Variants in DLG2 observed in about 807,000 individuals in gnomAD.
DLG2 encodes the protein disks large homolog 2.
DLG2 carries 45 observed loss-of-function variants against 132.5 expected under a neutral mutation model. The ratio of observed to expected loss-of-function variants is 0.34; its 90% CI spans 0.27 to 0.44. The LOEUF (loss-of-function observed/expected upper bound fraction) is 0.44, where lower values mean the gene tolerates loss of function less well. DLG2 is among the 20% of genes least tolerant of loss of function. DLG2 has a pLI of 1.00. For synonymous variants in DLG2, 424 were observed against 419.6 expected (o/e 1.01, Z -0.13); for missense variants, 1,045 against 1,196.9 (o/e 0.87, Z 1.87).
rs1158945869 is a variant in DLG2 at position 84,995,719 on chromosome 11, AT to A, written c.357+115941del. Among the ~76,000 whole-genome samples, 625 of 151,914 alleles carry A rather than the reference AT, an allele frequency of 4.1e-3. 6 individuals are homozygous for A. The highest frequency in any genetic ancestry group is 0.013 in the African/African-American group (520 of 41,470). ...AGCCCAACTTAAAGTAACTTAAGCA[AT>A]TTTTTTTTAAAAAAAAAGAGGAATG... On this transcript the variant is annotated intron_variant, in intron 6 of 27. Coordinates refer to ENST00000376104, the MANE Select transcript of DLG2 (RefSeq NM_001142699.3).
intron 4 of DLG2, among the ~76,000 whole-genome samples, chr11:85,266,820 A>C (rs1442334674): frequency 6.6e-6 from 1 of 152,216 alleles, no homozygotes; most frequent in East Asian, 1.9e-4. Context: ...TGATGAAGAA[A>C]CATTTGCTTC....
intron 6 of DLG2, among the ~76,000 whole-genome samples, chr11:85,062,943 G>A (rs2064330497): frequency 1.3e-5 from 2 of 151,646 alleles, no homozygotes; most frequent in African/African-American, 4.8e-5. Flanking sequence ...AGCAGAGGTG[G>A]GGATGACTGG....
chr11:84,387,968 A>G (rs940093813), intron 7 of DLG2, among the ~76,000 whole-genome samples: 7 of 152,160 alleles, frequency 4.6e-5, no homozygotes, highest in African/African-American at 7.2e-5. Flanking sequence ...AGGGAGGGAA[A>G]ACTTTAGTGT....
At chr11:84,771,548 C>T (rs1221558331) in intron 6 of DLG2, among the ~76,000 whole-genome samples, 1 of 152,050 alleles carries the variant, frequency 6.6e-6, no homozygotes, top group African/African-American at 2.4e-5. Flanking sequence ...ATATTTTTTC[C>T]CATTCTGTAG....
intron 3 of DLG2, among the ~76,000 whole-genome samples, chr11:85,326,490 T>G (rs1022334663): frequency 9.2e-6 from 1 of 108,794 alleles, no homozygotes; most frequent in African/African-American, 3.6e-5. Context: ...AGAAAAGAAT[T>G]TTCCACCCAG....
intron 6 of DLG2, among the ~76,000 whole-genome samples, chr11:84,655,799 T>C (rs916363141): frequency 6.6e-6 from 1 of 151,064 alleles, no homozygotes; most frequent in African/African-American, 2.4e-5. Flanking sequence ...TGCTTGTAAA[T>C]AGCAGGAAAC....
chr11:85,264,933 C>T (rs1595805523), intron 4 of DLG2, among the ~76,000 whole-genome samples: 1 of 152,292 alleles, frequency 6.6e-6, no homozygotes, highest in East Asian at 1.9e-4. Flanking sequence ...TAATCTGATC[C>T]TGTCTATGAT....
chr11:83,595,321 G>C (rs1183829484), intron 19 of DLG2, among the ~76,000 whole-genome samples: 1 of 152,150 alleles, frequency 6.6e-6, no homozygotes, highest in Admixed American at 6.5e-5. Context: ...TCAAAATCCA[G>C]CTGTGTAAGG....
intron 4 of DLG2, among the ~76,000 whole-genome samples, chr11:85,264,542 T>C (rs2077104750): frequency 6.6e-6 from 1 of 152,142 alleles, no homozygotes; most frequent in Non-Finnish European, 1.5e-5. Flanking sequence ...TTGAAAATGG[T>C]TAATACTCAG....
intron 6 of DLG2, among the ~76,000 whole-genome samples, chr11:85,100,862 T>C (rs928911002): frequency 2.0e-5 from 3 of 152,164 alleles, no homozygotes; most frequent in African/African-American, 7.2e-5. Flanking sequence ...CTCATAAACG[T>C]GAATCATCCT....
intron 7 of DLG2, among the ~76,000 whole-genome samples, chr11:84,496,928 GGAAGT>G (rs1489580143): frequency 9.2e-5 from 14 of 152,176 alleles, no homozygotes; most frequent in Admixed American, 2.6e-4. Context: ...ATATGAAGTA[GGAAGT>G]GAAATATGCC....
At chr11:85,009,345 A>T (rs1055367178) in intron 6 of DLG2, among the ~76,000 whole-genome samples, 3 of 152,166 alleles carry the variant, frequency 2.0e-5, no homozygotes, top group African/African-American at 7.2e-5. Context: ...TATAAGAAAT[A>T]AAATAAATGG....
At chr11:85,353,381 C>T (rs2083444527) in intron 3 of DLG2, among the ~76,000 whole-genome samples, 1 of 152,182 alleles carries the variant, frequency 6.6e-6, no homozygotes, top group Non-Finnish European at 1.5e-5. Flanking sequence ...TGCTTTTACA[C>T]TGTTGGTGGG....
intron 18 of DLG2, among the ~76,000 whole-genome samples, chr11:83,637,557 T>C (rs1355117293): frequency 6.6e-6 from 1 of 151,240 alleles, no homozygotes; most frequent in African/African-American, 2.4e-5. Flanking sequence ...ACAGAGCTCA[T>C]TGAACATGGA....
intron 6 of DLG2, among the ~76,000 whole-genome samples, chr11:84,921,679 G>A (rs113464500): frequency 7.8e-4 from 118 of 152,114 alleles, no homozygotes; most frequent in African/African-American, 2.8e-3. Flanking sequence ...TGGAGCTTCC[G>A]CTGAATAAAG....
At chr11:84,527,908 T>TCTCC (rs901208862) in intron 7 of DLG2, among the ~76,000 whole-genome samples, 3 of 150,128 alleles carry the variant, frequency 2.0e-5, no homozygotes, top group Non-Finnish European at 4.5e-5. Context: ...TCTCTCTCTC[T>TCTCC]CTCTCTCTCT....
At chr11:84,501,363 G>A (rs1352314110) in intron 7 of DLG2, among the ~76,000 whole-genome samples, 1 of 152,146 alleles carries the variant, frequency 6.6e-6, no homozygotes, top group African/African-American at 2.4e-5. Context: ...TCAGTAGTTC[G>A]AGACCAGCCT....
At chr11:85,409,093 T>C (rs993541427) in intron 3 of DLG2, among the ~76,000 whole-genome samples, 1 of 151,974 alleles carries the variant, frequency 6.6e-6, no homozygotes, top group Admixed American at 6.6e-5. Context: ...TCAGCAGTTA[T>C]TGGTTAAGAC....
At chr11:84,145,159 T>A (rs2095030282) in intron 9 of DLG2, among the ~76,000 whole-genome samples, 1 of 152,204 alleles carries the variant, frequency 6.6e-6, no homozygotes, top group Non-Finnish European at 1.5e-5. Context: ...GGATACAGCT[T>A]TGTCATTTCT....
Sources: allele counts gnomAD v4.1 joint callset (sites outside exome capture counted in the v4.1 genomes callset), GRCh38; gene constraint gnomAD v4.1.1; transcripts MANE v1.5; gene names NCBI Gene and HGNC (gene_info 2026-07-23, HGNC 2026-07-21).